The following DOCK4 variants were observed in gnomAD, a reference collection of about 807,000 sequenced individuals.
DOCK4 encodes the protein dedicator of cytokinesis 4, also known as dedicator of cytokinesis protein 4.
Under a neutral mutation model 268.1 loss-of-function variants are expected in DOCK4, and 97 were observed. That is an observed-to-expected ratio of 0.36 (90% CI 0.31 to 0.43). DOCK4 has a LOEUF of 0.43. Among genes scored for constraint, DOCK4 ranks in the 20% least tolerant of loss-of-function variants. DOCK4 has a pLI of 1.00. For missense variants in DOCK4, 2,145 were observed against 2,455.7 expected (o/e 0.87, Z 2.67); for synonymous variants, 954 against 887.2 (o/e 1.08, Z -1.34).
rs147156698 is a variant in DOCK4 at position 112,116,333 on chromosome 7, G to A, written c.37+89769C>T. On this transcript the variant is annotated intron_variant, in intron 1 of 52. Transcript: ENST00000428084. ...TCAACGTTCATTCAAGTTGTAGTAT[G>A]TATCAGTACTTCATTCCTTTTTATG... Among the ~76,000 whole-genome samples, 416 of 152,284 alleles carry A rather than the reference G, an allele frequency of 2.7e-3. 2 individuals carry two copies. Among genetic ancestry groups the A allele is most frequent in the Non-Finnish European group, 3.5e-3 (237 of 68,044 alleles).
At chr7:111,731,240 T>TTCTC (rs1258252246) in intron 52 of DOCK4, among the ~76,000 whole-genome samples, 1 of 152,206 alleles carries the variant, frequency 6.6e-6, no homozygotes, top group South Asian at 2.1e-4. Flanking sequence ...TCTTTCAATT[T>TTCTC]TCTCCATTTT....
At chr7:111,939,376 G>T (rs1055354922) in intron 11 of DOCK4, among the ~76,000 whole-genome samples, 6 of 151,544 alleles carry the variant, frequency 4.0e-5, no homozygotes, top group African/African-American at 1.5e-4. Context: ...TTAGCTGGGT[G>T]TGGTGGCGGG....
At chr7:112,170,489 T>G (rs559947187) in intron 1 of DOCK4, among the ~76,000 whole-genome samples, 4 of 151,808 alleles carry the variant, frequency 2.6e-5, no homozygotes, top group African/African-American at 9.7e-5. Flanking sequence ...GCATATATAT[T>G]TAGAGTTAAC....
chr7:112,155,483 G>C (rs1053280333), intron 1 of DOCK4, among the ~76,000 whole-genome samples: 4 of 152,180 alleles, frequency 2.6e-5, no homozygotes, highest in Non-Finnish European at 5.9e-5. Flanking sequence ...GAAATACATA[G>C]TTCATAGCAT....
chr7:112,026,921 G>T (rs574014301), intron 1 of DOCK4, among the ~76,000 whole-genome samples: 1 of 152,274 alleles, frequency 6.6e-6, no homozygotes, highest in African/African-American at 2.4e-5. Context: ...ATTAAAGAGA[G>T]TGGAAATGAC....
chr7:111,900,468 G>A lies in DOCK4; in HGVS notation c.1386C>T (p.Asn462=). ...SEYHSFVLYH[N]NSPRWSELLK... ...GCAGTTCAGACCACCTGGGACTGTT[G>A]TTATGGTAAAGCACAAAGGAGTGGT... Residue 462 remains asparagine (N), a synonymous_variant, in exon 15 of 53, where the codon AAC becomes AAT. Coordinates refer to ENST00000428084, the MANE Select transcript of DOCK4 (RefSeq NM_001363540.2). 6.2e-7 allele frequency: 1 copy of A among 1,613,254 alleles called. No homozygotes were observed. The highest frequency in any genetic ancestry group is 8.5e-7 in the Non-Finnish European group (1 of 1,179,662).
chr7:111,842,728 C>T (rs191915762), intron 25 of DOCK4, among the ~76,000 whole-genome samples: 112 of 152,300 alleles, frequency 7.4e-4, no homozygotes, highest in Admixed American at 2.1e-3. Flanking sequence ...AGAGTCAGGA[C>T]GGTCACCATG....
chr7:111,809,204 G>A (rs1800896450), intron 29 of DOCK4, 97 bp downstream of exon 29: 19 of 1,010,780 alleles, frequency 1.9e-5, no homozygotes, highest in Non-Finnish European at 2.7e-5. Context: ...TCTTCACTGT[G>A]TGATTTCCAG....
chr7:111,904,003 C>T (rs1230678240), intron 13 of DOCK4, among the ~76,000 whole-genome samples: 1 of 152,180 alleles, frequency 6.6e-6, no homozygotes, highest in Non-Finnish European at 1.5e-5. Flanking sequence ...GATTAACTGT[C>T]CTGCAAAATA....
rs369672156 is a variant in DOCK4, at chr7:111,758,618, T to A, written c.4329+6A>T. On this transcript the variant is annotated splice_donor_region_variant and intron_variant, in intron 41 of 52. Transcript: ENST00000428084. ...GAGTTAGCATGTAATAAGAATTGCA[T>A]GGTACCTTGAATTCATTCTCTTTAT... 14 of 1,613,590 alleles carry A rather than the reference T, an allele frequency of 8.7e-6. No individual in the cohort carries two copies. The African/African-American group carries it at 1.5e-4, about 17-fold the overall frequency.
At chr7:112,061,210 T>A (rs979203231) in intron 1 of DOCK4, among the ~76,000 whole-genome samples, 2 of 152,116 alleles carry the variant, frequency 1.3e-5, no homozygotes, top group Non-Finnish European at 2.9e-5. Flanking sequence ...AATTACCACA[T>A]TGGATGAATT....
intron 1 of DOCK4, among the ~76,000 whole-genome samples, chr7:112,139,862 G>C (rs1391083776): frequency 6.6e-6 from 1 of 152,146 alleles, no homozygotes; most frequent in Admixed American, 6.5e-5. Context: ...ACTGAATAAA[G>C]AGTGGATGTT....
chr7:112,092,258 C>T (rs1360953416), intron 1 of DOCK4, among the ~76,000 whole-genome samples: 1 of 152,184 alleles, frequency 6.6e-6, no homozygotes, highest in Admixed American at 6.5e-5. Flanking sequence ...ATGTTTGCCA[C>T]ACTGGTCTTT....
chr7:111,838,246 A>G (rs1443126665), intron 25 of DOCK4, among the ~76,000 whole-genome samples: 5 of 152,264 alleles, frequency 3.3e-5, no homozygotes, highest in South Asian at 2.1e-4. Flanking sequence ...GATCTAAAAT[A>G]GTCAAAACAA....
chr7:112,109,490 C>T (rs571907761), intron 1 of DOCK4, among the ~76,000 whole-genome samples: 10 of 152,256 alleles, frequency 6.6e-5, no homozygotes, highest in Non-Finnish European at 7.4e-5. Flanking sequence ...AGGCAATCTA[C>T]CTCTCACATA....
chr7:112,006,121 C>G (rs1030483535), intron 1 of DOCK4, among the ~76,000 whole-genome samples: 2 of 152,150 alleles, frequency 1.3e-5, no homozygotes, highest in South Asian at 2.1e-4. Flanking sequence ...TAGCATCAAG[C>G]CTGGCATTTT....
intron 1 of DOCK4, among the ~76,000 whole-genome samples, chr7:112,105,701 T>TTTTG (rs1328698912): frequency 6.6e-6 from 1 of 150,540 alleles, no homozygotes; most frequent in African/African-American, 2.4e-5. Flanking sequence ...TTTTTTTTTT[T>TTTTG]TCTTCGAGGC....
intron 1 of DOCK4, among the ~76,000 whole-genome samples, chr7:112,171,062 G>T (rs1818042002): frequency 6.6e-6 from 1 of 152,098 alleles, no homozygotes; most frequent in Non-Finnish European, 1.5e-5. Context: ...TATTTTCCAG[G>T]ACACAATAAG....
intron 1 of DOCK4, among the ~76,000 whole-genome samples, chr7:112,131,523 C>A (rs1379173809): frequency 6.6e-6 from 1 of 152,120 alleles, no homozygotes; most frequent in Non-Finnish European, 1.5e-5. Flanking sequence ...ATATCCCCAG[C>A]CCCAAAGACA....
Sources: gnomAD v4.1 joint callset for allele counts (sites outside exome capture counted in the v4.1 genomes callset) on GRCh38, gnomAD v4.1.1 for gene constraint, MANE v1.5 for transcripts, NCBI Gene and HGNC (gene_info 2026-07-23, HGNC 2026-07-21) for gene names.